OTX1: variants seen among roughly 807,000 people sequenced by gnomAD.
OTX1 encodes homeobox protein OTX1.
In OTX1, 7 loss-of-function variants were observed where a neutral mutation model predicts 26.7. That is an observed-to-expected ratio of 0.26 (90% CI 0.15 to 0.49). The LOEUF (loss-of-function observed/expected upper bound fraction) is 0.49. OTX1 is among the 20% of genes least tolerant of loss of function. The pLI is 0.98. For synonymous variants in OTX1, 216 were observed against 212.8 expected (o/e 1.01, Z -0.13); for missense variants, 414 against 483.8 (o/e 0.86, Z 1.35).
In OTX1 at chr2:63,055,195, G is replaced by T. The variant is rs576476028; in HGVS notation, c.250-306G>T. ...CAACAGCAGCAATTTAGAGATGGCA[G>T]AACTTCTGACTGGGCAGACTGAAAT... On this transcript the variant is annotated intron_variant, in intron 4 of 4. Coordinates refer to ENST00000282549, the MANE Select transcript of OTX1 (RefSeq NM_014562.4). This position sits in a 1 kb window ranked among gnomAD's most constrained non-coding sequence, Gnocchi z 5.2. Among the ~76,000 whole-genome samples the T allele has an allele frequency of 6.6e-6, 1 of 152,360 alleles. No homozygotes were observed. The highest frequency in any genetic ancestry group is 2.4e-5 in the African/African-American group (1 of 41,580).
At position 63,055,966 on chromosome 2, in the gene OTX1, T is replaced by C. The variant is rs1471439344; in HGVS notation, c.715T>C (p.Ser239Pro). The C allele has an allele frequency of 1.2e-6, 2 of 1,613,558 alleles. No individual in the cohort carries two copies. The highest frequency in any genetic ancestry group is 1.6e-4 in the Middle Eastern group (1 of 6,062). The change falls in exon 5 of 5, where the codon TCC becomes CCC. Residue 239 changes from serine to proline, a missense_variant. This residue lies in a region of OTX1 where 320 missense variants were observed against 347.9 expected (regional missense o/e 0.92). Transcript: ENST00000282549. The surrounding 1 kb of genome is among the most constrained non-coding windows in gnomAD (Gnocchi z 5.2). The stretch of plus-strand genomic sequence containing the variant: ...CTACGGCCAAGGCTACCCTACGCCC[T>C]CCTCTTCCTACTTTGGCGGCGTGGA... ...GSYGQGYPTP[S>P]SSYFGGVDCS...
chr2:63,052,710 C>T (rs1023975553), intron 2 of OTX1, among the ~76,000 whole-genome samples, 170 bp from the exon 3 acceptor site: 23 of 152,188 alleles, frequency 1.5e-4, no homozygotes, highest in African/African-American at 5.3e-4. Context: ...CCAGACGACC[C>T]AGAAAACTTT....
chr2:63,049,778 CTT>C (rs1221742716), upstream of OTX1, among the ~76,000 whole-genome samples: 1 of 152,212 alleles, frequency 6.6e-6, no homozygotes, highest in Non-Finnish European at 1.5e-5. This position sits in a 1 kb window ranked among gnomAD's most constrained non-coding sequence, Gnocchi z 4.8. Context: ...AACGAAAACT[CTT>C]TTTTGCACTT....
chr2:63,054,547 G>A (rs2153388086), intron 4 of OTX1, among the ~76,000 whole-genome samples: 1 of 152,320 alleles, frequency 6.6e-6, no homozygotes, highest in South Asian at 2.1e-4. Context: ...CCAGGACTTG[G>A]CAGTTTCCCT....
Position 63,056,512 on chromosome 2 carries a change from C to CAAGGGGCAGGGTGGGTT in OTX1, c.*196_*197insAAGGGGCAGGGTGGGTT. The CAAGGGGCAGGGTGGGTT allele has an allele frequency of 1.6e-6, 1 of 611,836 alleles. No individual in the cohort carries two copies. Among genetic ancestry groups the CAAGGGGCAGGGTGGGTT allele is most frequent in the Non-Finnish European group, 2.9e-6 (1 of 347,974 alleles). The allele number at this position is 611,836 out of a possible 1,614,324, so 37.9% of individuals were successfully genotyped here. ...GCTTGGGGGGATGTGCAAACCCACC[C>CAAGGGGCAGGGTGGGTT]TGCCCCTTGGATGGGGGGACCGGTG... is the stretch of plus-strand genomic sequence containing the variant. On this transcript the variant is annotated 3_prime_UTR_variant, in exon 5 of 5. Transcript: ENST00000282549.
At position 63,057,228 on chromosome 2, in the gene OTX1, C is replaced by T. The variant is rs1574630906; in HGVS notation, c.*912C>T. On this transcript the variant is annotated 3_prime_UTR_variant, in exon 5 of 5. Transcript: ENST00000282549. ...CGTCCCCCTTCTGCTCTTCCTCAATCAATGGCGCTTTTTCTTTTTCAGTTG... is the reference window on the plus strand; with the variant it reads ...CGTCCCCCTTCTGCTCTTCCTCAATTAATGGCGCTTTTTCTTTTTCAGTTG... 6.6e-6 allele frequency: 1 copy of T among 152,178 alleles called. No individual in the cohort carries two copies. The highest frequency in any genetic ancestry group is 6.5e-5 in the Admixed American group (1 of 15,282). 9.4% of individuals were successfully genotyped at this position (152,178 alleles called of 1,614,324 possible).
rs1051701117 is a variant in OTX1, at chr2:63,056,393, C to A, written c.*77C>A. The A allele has an allele frequency of 5.3e-6, 7 of 1,309,010 alleles. No homozygotes were observed. Among genetic ancestry groups the A allele is most frequent in the African/African-American group, 1.5e-5 (1 of 67,706 alleles). 81.1% of individuals were successfully genotyped at this position (1,309,010 alleles called of 1,614,324 possible). Reference sequence around the variant, plus strand: ...CCCGATCCTGTTGCTGCTGCTGCACCGCCCGCCTTTGCCTCGTCTTCTCCA... The same window carrying A: ...CCCGATCCTGTTGCTGCTGCTGCACAGCCCGCCTTTGCCTCGTCTTCTCCA... On this transcript the variant is annotated 3_prime_UTR_variant, in exon 5 of 5. Transcript: ENST00000282549.
rs1440733513 is a variant in OTX1, at chr2:63,053,011, A to T, written c.21A>T (p.Gln7His). 1 of 1,608,514 alleles carries T rather than the reference A, an allele frequency of 6.2e-7. No homozygotes were observed. ...TTAGCATGATGTCTTACCTCAAACA[A>T]CCCCCATACGGCATGAACGGGCTGG... MMSYLK[Q>H]PPYGMNGLGL... The change falls in exon 3 of 5, where the codon CAA becomes CAT. Residue 7 changes from glutamine to histidine, a missense_variant. Gln to His is a conservative substitution (Grantham distance 24, BLOSUM62 0). Transcript: ENST00000282549.
chr2:63,052,375 C>T (rs545563604), intron 2 of OTX1, among the ~76,000 whole-genome samples: 2 of 152,390 alleles, frequency 1.3e-5, no homozygotes, highest in South Asian at 4.1e-4. Flanking sequence ...CCCTGGAGAC[C>T]TTTAAAGGAA....
At position 63,052,997 on chromosome 2, in the gene OTX1, T is replaced by A. The variant is rs771769960; in HGVS notation, c.7T>A (p.Ser3Thr). The change falls in exon 3 of 5, where the codon TCT becomes ACT. Residue 3 changes from serine to threonine, a missense_variant. Transcript: ENST00000282549. Reference sequence around the variant, plus strand: ...CCTCCACCCAGCTGTTAGCATGATGTCTTACCTCAAACAACCCCCATACGG... The same window carrying A: ...CCTCCACCCAGCTGTTAGCATGATGACTTACCTCAAACAACCCCCATACGG... MMSYLKQPPYGMN... is the reference protein window; with the variant it reads MMTYLKQPPYGMN... 2 of 1,610,634 alleles carry A rather than the reference T, an allele frequency of 1.2e-6. No individual in the cohort carries two copies. The highest frequency in any genetic ancestry group is 2.2e-5 in the South Asian group (2 of 91,052).
chr2:63,051,552 CTT>C (rs955522547), intron 2 of OTX1: 11 of 152,434 alleles, frequency 7.2e-5, no homozygotes, highest in African/African-American at 2.4e-4. Context: ...TGGAGAAAGT[CTT>C]TGAAAACTCA....
At position 63,056,196 on chromosome 2, in the gene OTX1, C is replaced by A. The variant is rs1205415587; in HGVS notation, c.945C>A (p.Asp315Glu). Residue 315 changes from aspartate (D) to glutamate (E), a missense_variant, in exon 5 of 5, where the codon GAC becomes GAA. Physicochemically the swap from Asp to Glu is conservative, Grantham distance 45. This residue lies in a region of OTX1 where 320 missense variants were observed against 347.9 expected (regional missense o/e 0.92). Transcript: ENST00000282549. The stretch of plus-strand genomic sequence containing the variant: ...CTGGGCTTGCCTTCAACTCTGCCGA[C>A]TGCTTGGATTACAAGGAGCCTGGCG... ...GGSGLAFNSA[D>E]CLDYKEPGAA... 6.2e-6 allele frequency: 10 copies of A among 1,613,980 alleles called. No individual in the cohort carries two copies. The African/African-American group carries it at 1.3e-4, about 22-fold the overall frequency.
rs1031143889 is a variant in OTX1, at chr2:63,056,481, C to G, written c.*165C>G. On this transcript the variant is annotated 3_prime_UTR_variant, in exon 5 of 5. Coordinates refer to ENST00000282549, the MANE Select transcript of OTX1 (RefSeq NM_014562.4). ...CTGCACTGCCGCCCCCATTTTTGTGCCACTTGCTTGGGGGGATGTGCAAAC... is the reference window on the plus strand; with the variant it reads ...CTGCACTGCCGCCCCCATTTTTGTGGCACTTGCTTGGGGGGATGTGCAAAC... The G allele has an allele frequency of 2.5e-5, 17 of 686,922 alleles. No homozygotes were observed. The African/African-American group carries it at 3.1e-4, about 12-fold the overall frequency. The allele number at this position is 686,922 out of a possible 1,614,324, so 42.6% of individuals were successfully genotyped here.
At chr2:63,051,029 C>G (rs1199356419) in intron 1 of OTX1, 132 bp downstream of exon 1, 1 of 152,350 alleles carries the variant, frequency 6.6e-6, no homozygotes, top group Admixed American at 6.5e-5. Context: ...GAATTCCCCC[C>G]CTTGCGGCCC....
chr2:63,050,944 TC>T (rs1244311060), intron 1 of OTX1, 47 bp downstream of exon 1: 1 of 152,212 alleles, frequency 6.6e-6, no homozygotes, highest in Non-Finnish European at 1.5e-5. Context: ...CTGCAGGACT[TC>T]CCAGTCCCCA....
rs751605359 is a variant in OTX1, at chr2:63,055,801, C to G, written c.550C>G (p.Pro184Ala). Residue 184 changes from proline to alanine, a missense_variant, in exon 5 of 5, where the codon CCA (proline) becomes GCA (alanine). Around this residue, in one of 3 missense-constraint regions of OTX1, gnomAD observed 320 missense variants for 347.9 expected, o/e 0.92. Coordinates refer to ENST00000282549, the MANE Select transcript of OTX1 (RefSeq NM_014562.4). This position sits in a 1 kb window ranked among gnomAD's most constrained non-coding sequence, Gnocchi z 5.2. ...SSIWSPASIS[P>A]GSAPASVSVP... ...TATCTGGAGCCCGGCCTCCATCTCG[C>G]CAGGCTCAGCGCCCGCGTCCGTGTC... 5.0e-6 allele frequency: 8 copies of G among 1,612,158 alleles called. No homozygotes were observed. The highest frequency in any genetic ancestry group is 1.6e-4 in the Middle Eastern group (1 of 6,076).
At position 63,056,769 on chromosome 2, in the gene OTX1, C is replaced by T. The variant is rs2062070994; in HGVS notation, c.*453C>T. On this transcript the variant is annotated 3_prime_UTR_variant, in exon 5 of 5. Transcript: ENST00000282549. ...TTCTGCCCATTGGAGCACCCGCACA[C>T]TACTCCAAATCAAAACCACTAAGAG... 1 of 172,120 alleles carries T rather than the reference C, an allele frequency of 5.8e-6. No individual in the cohort carries two copies. The highest frequency in any genetic ancestry group is 1.3e-5 in the Non-Finnish European group (1 of 78,236). 10.7% of individuals were successfully genotyped at this position (172,120 alleles called of 1,614,324 possible).
rs1003822036 is a variant in OTX1, at chr2:63,056,505, A to G, written c.*189A>G. 87 of 617,216 alleles carry G rather than the reference A, an allele frequency of 1.4e-4. No individual in the cohort carries two copies. The highest frequency in any genetic ancestry group is 2.2e-4 in the Non-Finnish European group (76 of 352,876). The allele number at this position is 617,216 out of a possible 1,614,324, so 38.2% of individuals were successfully genotyped here. On this transcript the variant is annotated 3_prime_UTR_variant, in exon 5 of 5. Transcript: ENST00000282549. ...GCCACTTGCTTGGGGGGATGTGCAA[A>G]CCCACCCTGCCCCTTGGATGGGGGG...
chr2:63,053,822 G>A, intron 3 of OTX1: 1 of 566,732 alleles, frequency 1.8e-6, no homozygotes, highest in Non-Finnish European at 3.2e-6. Context: ...GGCATAGAGA[G>A]GGGCAGCCCT....
Sources: gnomAD v4.1 joint callset for allele counts (sites outside exome capture counted in the v4.1 genomes callset) on GRCh38, gnomAD v4.1.1 for gene constraint, gnomAD v4.1.1 regional missense constraint, Gnocchi (gnomAD v3.1) non-coding constraint, MANE v1.5 for transcripts, NCBI Gene and HGNC (gene_info 2026-07-23, HGNC 2026-07-21) for gene names.